The following GPHN variants were observed in gnomAD, a reference collection of about 807,000 sequenced individuals.
The protein encoded by GPHN is gephyrin.
Under a neutral mutation model 95.5 loss-of-function variants are expected in GPHN, and 17 were observed. That is an observed-to-expected ratio of 0.18 (90% CI 0.12 to 0.27). GPHN has a LOEUF of 0.27. GPHN is among the 10% of genes least tolerant of loss of function. GPHN has a pLI of 1.00. For missense variants in GPHN, 660 were observed against 978.1 expected, an observed-to-expected ratio of 0.67 and a Z score of 4.34; for synonymous variants, 320 against 322.5, an observed-to-expected ratio of 0.99 and a Z score of 0.08.
intron 1 of GPHN, among the ~76,000 whole-genome samples, chr14:66,659,835 A>G (rs2065534474): frequency 6.6e-6 from 1 of 152,126 alleles, no homozygotes; most frequent in Admixed American, 6.5e-5. Flanking sequence ...GATGGAGAGC[A>G]TATTTTTGAG....
chr14:66,548,053 A>G (rs2059666271), intron 1 of GPHN, among the ~76,000 whole-genome samples: 1 of 151,646 alleles, frequency 6.6e-6, no homozygotes, highest in African/African-American at 2.4e-5. Context: ...TTTTTTTTTT[A>G]ACAACGTGTA....
chr14:67,067,822 T>C (rs2153655096), intron 11 of GPHN, among the ~76,000 whole-genome samples: 1 of 152,350 alleles, frequency 6.6e-6, no homozygotes, highest in African/African-American at 2.4e-5. Flanking sequence ...GCACAGGATT[T>C]GGGCAGGAAT....
intron 1 of GPHN, among the ~76,000 whole-genome samples, chr14:66,541,160 C>T (rs902401546): frequency 6.6e-6 from 1 of 152,108 alleles, no homozygotes; most frequent in Non-Finnish European, 1.5e-5. Flanking sequence ...GTTGGTCAGG[C>T]TGGTCTTGAA....
At chr14:66,585,766 A>C (rs2061394829) in intron 1 of GPHN, among the ~76,000 whole-genome samples, 1 of 151,992 alleles carries the variant, frequency 6.6e-6, no homozygotes, top group Non-Finnish European at 1.5e-5. Flanking sequence ...GTTTGTTATA[A>C]TTTCTGTTCT....
intron 2 of GPHN, among the ~76,000 whole-genome samples, chr14:66,716,713 G>A (rs918374565): frequency 3.9e-5 from 6 of 152,134 alleles, no homozygotes; most frequent in South Asian, 2.1e-4. Context: ...GTGGTGGCTT[G>A]GTAGTGACGA....
chr14:66,579,806 A>G (rs1484752160), intron 1 of GPHN, among the ~76,000 whole-genome samples: 1 of 151,866 alleles, frequency 6.6e-6, no homozygotes, highest in Non-Finnish European at 1.5e-5. Flanking sequence ...ATCGACTTAG[A>G]AAATCAATAT....
chr14:67,439,533 G>GTTTCTC, the GPHN span, among the ~76,000 whole-genome samples: 6 of 96,144 alleles, frequency 6.2e-5, no homozygotes, highest in Non-Finnish European at 1.0e-4. Flanking sequence ...AAATTCAATA[G>GTTTCTC]TTTCTTTCTT....
chr14:66,508,452 A>AGCGCGCTCCCGGCCC lies in GPHN; in HGVS notation c.-66_-52dup, dbSNP rs1429396192. 7.4e-7 allele frequency: 1 copy of AGCGCGCTCCCGGCCC among 1,358,950 alleles called. No homozygotes were observed. The highest frequency in any genetic ancestry group is 1.1e-6 in the Non-Finnish European group (1 of 948,694). 84.2% of individuals were successfully genotyped at this position (1,358,950 alleles called of 1,614,324 possible). ...CCTAGCTGTCGCGCTCTCCTCGGCG[A>AGCGCGCTCCCGGCCC]GCGCGCTCCCGGCCCGCGCGCTCCG... On this transcript the variant is annotated 5_prime_UTR_variant, in exon 1 of 23. Coordinates refer to ENST00000478722, the MANE Select transcript of GPHN (RefSeq NM_020806.5).
chr14:67,251,383 A>G, the GPHN span, among the ~76,000 whole-genome samples: 10,587 of 152,168 alleles, frequency 0.07, 541 homozygotes, highest in Non-Finnish European at 0.11. Context: ...AAATACGAAA[A>G]TTAGCTGGAC....
the GPHN span, chr14:67,573,427 C>T: frequency 8.6e-7 from 1 of 1,161,384 alleles, no homozygotes; most frequent in East Asian, 2.3e-5. The surrounding 1 kb of genome is among the most constrained non-coding windows in gnomAD (Gnocchi z 4.8). Context: ...AAAAGGTCTC[C>T]ACATCACACC....
chr14:67,162,232 A>G (rs1038541940), intron 19 of GPHN, among the ~76,000 whole-genome samples: 2 of 152,226 alleles, frequency 1.3e-5, no homozygotes, highest in Non-Finnish European at 2.9e-5. Context: ...AATTGGCCCT[A>G]TAATTTCAAT....
chr14:67,397,259 G>A, the GPHN span, among the ~76,000 whole-genome samples: 1 of 152,152 alleles, frequency 6.6e-6, no homozygotes, highest in Non-Finnish European at 1.5e-5. Flanking sequence ...TAATGGTAGA[G>A]TTGAAGCCAC....
chr14:66,834,781 G>A (rs2153502612), intron 4 of GPHN, among the ~76,000 whole-genome samples: 1 of 149,142 alleles, frequency 6.7e-6, no homozygotes, highest in East Asian at 2.0e-4. Flanking sequence ...AAATGAGTTA[G>A]GGAGGATTCC....
At chr14:67,160,098 G>T (rs1317820561) in intron 19 of GPHN, among the ~76,000 whole-genome samples, 1 of 152,008 alleles carries the variant, frequency 6.6e-6, no homozygotes, top group Non-Finnish European at 1.5e-5. Flanking sequence ...TGTTTTGTTT[G>T]ATAAGGATTC....
At chr14:67,443,080 G>T in the GPHN span, among the ~76,000 whole-genome samples, 1 of 152,114 alleles carries the variant, frequency 6.6e-6, no homozygotes, top group Non-Finnish European at 1.5e-5. Flanking sequence ...AATGATCCAG[G>T]CATGGTGGCA....
At chr14:67,592,617 A>G in the GPHN span, 3 of 1,491,062 alleles carry the variant, frequency 2.0e-6, no homozygotes, top group Non-Finnish European at 2.8e-6. Flanking sequence ...GAGAATGGTA[A>G]AAGTATTCTA....
chr14:67,324,930 A>G, the GPHN span, among the ~76,000 whole-genome samples: 1 of 93,586 alleles, frequency 1.1e-5, no homozygotes, highest in Admixed American at 1.6e-4. Flanking sequence ...TTTGAGACTG[A>G]GTCTTGCTCT....
the GPHN span, among the ~76,000 whole-genome samples, chr14:67,482,836 C>G: frequency 6.6e-6 from 1 of 152,106 alleles, no homozygotes; most frequent in Non-Finnish European, 1.5e-5. Flanking sequence ...CAAGGAAAGC[C>G]CCTGGGATTA....
At chr14:66,594,853 A>G (rs554774737) in intron 1 of GPHN, among the ~76,000 whole-genome samples, 1 of 152,308 alleles carries the variant, frequency 6.6e-6, no homozygotes, top group African/African-American at 2.4e-5. Context: ...CTGCACAGCA[A>G]AGGAAACAGA....
Sources: gnomAD v4.1 joint callset for allele counts (sites outside exome capture counted in the v4.1 genomes callset) on GRCh38, gnomAD v4.1.1 for gene constraint, Gnocchi (gnomAD v3.1) non-coding constraint, MANE v1.5 for transcripts, NCBI Gene and HGNC (gene_info 2026-07-23, HGNC 2026-07-21) for gene names.